RNF130: variants seen among roughly 807,000 people sequenced by gnomAD.
The protein encoded by RNF130 is E3 ubiquitin-protein ligase RNF130.
A neutral mutation model predicts 44.6 loss-of-function variants in RNF130; 21 were observed. The observed-to-expected ratio is 0.47, with a 90% CI of 0.33 to 0.68. The LOEUF (loss-of-function observed/expected upper bound fraction) is 0.68, where lower values mean the gene tolerates loss of function less well. RNF130 is among the 30% of genes least tolerant of loss of function. RNF130 has a pLI of 0.02. For missense variants in RNF130, 479 were observed against 560.6 expected (o/e 0.85, Z 1.47); for synonymous variants, 214 against 210.4 (o/e 1.02, Z -0.15).
chr5:179,967,724 G>A (rs1300823071), intron 6 of RNF130, among the ~76,000 whole-genome samples: 1 of 152,184 alleles, frequency 6.6e-6, no homozygotes, highest in Non-Finnish European at 1.5e-5. Flanking sequence ...AAGCACAGCT[G>A]GGAGGGGTGG....
chr5:179,961,850 G>T (rs534064542), intron 8 of RNF130, among the ~76,000 whole-genome samples: 1 of 152,260 alleles, frequency 6.6e-6, no homozygotes, highest in East Asian at 1.9e-4. Context: ...AAGGCAGATG[G>T]TCATCTGACT....
rs576993930 is a variant in RNF130, at chr5:179,933,827, T to C, written c.1151-13401A>G. 7.8e-6 allele frequency: 6 copies of C among 769,826 alleles called. No homozygotes were observed. The East Asian group carries it at 1.3e-4, about 17-fold the overall frequency. The allele number at this position is 769,826 out of a possible 1,614,324, so 47.7% of individuals were successfully genotyped here. A position where few individuals can be genotyped will look rare whatever the true frequency, so the allele number is the denominator to read the frequency against. On this transcript the variant is annotated intron_variant, in intron 7 of 7. Transcript: ENST00000522208. The stretch of plus-strand genomic sequence containing the variant: ...TCACTAGATAAAGAATCCCAGGATT[T>C]TCCCTCCTGTGTGTTTTTGTCTTGC...
chr5:179,981,058 T>C (rs745732811), intron 3 of RNF130, among the ~76,000 whole-genome samples: 5 of 151,570 alleles, frequency 3.3e-5, no homozygotes, highest in Non-Finnish European at 7.4e-5. Flanking sequence ...GGACTAAGAC[T>C]GGGAAGGGGT....
At chr5:180,003,841 G>C (rs1429989116) in intron 3 of RNF130, among the ~76,000 whole-genome samples, 4 of 152,082 alleles carry the variant, frequency 2.6e-5, no homozygotes, top group Admixed American at 1.3e-4. Flanking sequence ...GTTTTTCAAG[G>C]TGTGGTCCAT....
chr5:179,927,740 C>T (rs2113673746), intron 7 of RNF130, among the ~76,000 whole-genome samples: 1 of 152,050 alleles, frequency 6.6e-6, no homozygotes, highest in South Asian at 2.1e-4. Context: ...GTGCCCGCCA[C>T]CACGCCTGGC....
chr5:179,985,139 C>G lies in RNF130; in HGVS notation c.694-4939G>C. 1.4e-5 allele frequency among the ~76,000 whole-genome samples: 2 copies of G among 142,136 alleles called. 1 individual carries two copies. The highest frequency in any genetic ancestry group is 3.0e-5 in the Non-Finnish European group (2 of 66,238). 93.2% of individuals were successfully genotyped at this position (142,136 alleles called of 152,430 possible). ...TTCTTCAACATCCTCATCTTGAAACCCTTTACCCCCTAACTTTTTTTTTTT... is the reference window on the plus strand; with the variant it reads ...TTCTTCAACATCCTCATCTTGAAACGCTTTACCCCCTAACTTTTTTTTTTT... On this transcript the variant is annotated intron_variant, in intron 3 of 8. Coordinates refer to ENST00000521389, the MANE Select transcript of RNF130 (RefSeq NM_018434.6).
rs528801344 is a variant in RNF130 at position 179,977,760 on chromosome 5, G to A, written c.848+443C>T. Among the ~76,000 whole-genome samples, 48 of 152,306 alleles carry A rather than the reference G, an allele frequency of 3.2e-4. No homozygotes were observed. The highest frequency in any genetic ancestry group is 1.1e-3 in the African/African-American group (44 of 41,564). On this transcript the variant is annotated intron_variant, in intron 5 of 8. Coordinates refer to ENST00000521389, the MANE Select transcript of RNF130 (RefSeq NM_018434.6). The surrounding 1 kb of genome is among the most constrained non-coding windows in gnomAD (Gnocchi z 4.1). ...CCAGCTACTCGGGAGGCTGAGGCAG[G>A]AGAATGGCATGAACCCAGGAGGCGG... is the stretch of plus-strand genomic sequence containing the variant.
At chr5:180,047,897 C>G (rs1167136887) in intron 1 of RNF130, among the ~76,000 whole-genome samples, 4 of 152,172 alleles carry the variant, frequency 2.6e-5, no homozygotes, top group Non-Finnish European at 5.9e-5. Flanking sequence ...ACTGCCTCTT[C>G]TTCCTCCAGT....
At chr5:179,920,241 G>C in exon 8 of RNF130, 2 of 660,304 alleles carry the variant, frequency 3.0e-6, no homozygotes, top group Non-Finnish European at 2.8e-6. Context: ...GCTGACAGGA[G>C]AATACAAAAT....
chr5:180,070,151 A>C (rs1765213205), intron 1 of RNF130, among the ~76,000 whole-genome samples: 2 of 152,238 alleles, frequency 1.3e-5, no homozygotes, highest in South Asian at 4.1e-4. Flanking sequence ...GTTAGTTGCC[A>C]GTCTGGCAAC....
chr5:180,071,614 G>A lies in RNF130; in HGVS notation c.89C>T (p.Ala30Val), dbSNP rs372287941. ...CSLWPARADN[A>V]SQEYYTALIN... ...GAGCGCCGTGTAGTACTCCTGGCTC[G>A]CGTTGTCTGCCCGTGCCGGCCACAG... The change falls in exon 1 of 9, where the codon GCG (alanine) becomes GTG (valine). Residue 30 changes from alanine (A) to valine (V), a missense_variant. Physicochemically the swap from Ala to Val is moderately conservative, Grantham distance 64 (BLOSUM62 0). Transcript: ENST00000521389. The A allele has an allele frequency of 7.0e-5, 105 of 1,505,760 alleles. No homozygotes were observed. The highest frequency in any genetic ancestry group is 9.1e-5 in the Non-Finnish European group (102 of 1,126,156). 93.3% of individuals were successfully genotyped at this position (1,505,760 alleles called of 1,614,324 possible).
chr5:180,019,271 C>G (rs1211662551), intron 2 of RNF130, among the ~76,000 whole-genome samples: 1 of 151,818 alleles, frequency 6.6e-6, no homozygotes, highest in Non-Finnish European at 1.5e-5. Context: ...GTAGTCCCAG[C>G]TACTCGGGAG....
At position 179,947,630 on chromosome 5, in the gene RNF130, A is replaced by T. The variant is rs190186329; in HGVS notation, c.1150+19176T>A. Reference sequence around the variant, plus strand: ...TTTCCTCATCTGTAAAACGGAGTTAATAAGAGGGTTGTTGCAAGGATTTAA... The same window carrying T: ...TTTCCTCATCTGTAAAACGGAGTTATTAAGAGGGTTGTTGCAAGGATTTAA... On this transcript the variant is annotated intron_variant, in intron 7 of 7. Transcript: ENST00000522208. Among the ~76,000 whole-genome samples the T allele has an allele frequency of 1.6e-3, 245 of 152,358 alleles. 2 individuals are homozygous for T. Among genetic ancestry groups the T allele is most frequent in the Middle Eastern group, 0.01 (3 of 294 alleles).
intron 3 of RNF130, 91 bp from the exon 4 acceptor site, chr5:179,980,291 AT>A: frequency 9.0e-7 from 1 of 1,108,682 alleles, no homozygotes; most frequent in Non-Finnish European, 1.4e-6. Context: ...TAAAGTCTCT[AT>A]TTTACTACAT....
At chr5:180,016,512 G>A (rs1582191961) in intron 2 of RNF130, among the ~76,000 whole-genome samples, 3 of 152,176 alleles carry the variant, frequency 2.0e-5, no homozygotes, top group South Asian at 2.1e-4. Flanking sequence ...AGTAAGTCAC[G>A]GATGCGGCCA....
chr5:179,988,582 G>C (rs1290507935), intron 3 of RNF130, among the ~76,000 whole-genome samples: 8 of 151,732 alleles, frequency 5.3e-5, no homozygotes, highest in Non-Finnish European at 2.9e-5. Context: ...GTATCTTGTA[G>C]GTTTTGGTAT....
At chr5:179,987,439 G>A (rs1762980401) in intron 3 of RNF130, among the ~76,000 whole-genome samples, 1 of 152,160 alleles carries the variant, frequency 6.6e-6, no homozygotes, top group Non-Finnish European at 1.5e-5. Context: ...AAAGTGCTGC[G>A]ATTACAGGTG....
At chr5:179,920,053 A>G (rs1330663637) in exon 8 of RNF130, 3 of 420,138 alleles carry the variant, frequency 7.1e-6, no homozygotes, top group South Asian at 4.4e-5. Flanking sequence ...TCTTCTCTGG[A>G]AACAGCCAGC....
chr5:179,935,578 T>C (rs1355292541), intron 7 of RNF130, among the ~76,000 whole-genome samples: 1 of 152,114 alleles, frequency 6.6e-6, no homozygotes, highest in East Asian at 1.9e-4. Context: ...TCCATTTCTA[T>C]TCATTACTAA....
Sources: allele counts gnomAD v4.1 joint callset (sites outside exome capture counted in the v4.1 genomes callset), GRCh38; gene constraint gnomAD v4.1.1; non-coding constraint Gnocchi (gnomAD v3.1); transcripts MANE v1.5; gene names NCBI Gene and HGNC (gene_info 2026-07-23, HGNC 2026-07-21).